Variants in ZFHX3 observed in about 807,000 individuals in gnomAD.
ZFHX3 encodes zinc finger homeobox 3.
ZFHX3 carries 42 observed loss-of-function variants against 279.1 expected under a neutral mutation model. That is an observed-to-expected ratio of 0.15 (90% CI 0.12 to 0.19). The LOEUF is 0.19. ZFHX3 is among the 10% of genes least tolerant of loss of function. ZFHX3 has a pLI of 1.00. For missense variants in ZFHX3, 4,981 were observed against 4,754.0 expected, an observed-to-expected ratio of 1.05 and a Z score of -1.40; for synonymous variants, 2,293 against 1,957.8, an observed-to-expected ratio of 1.17 and a Z score of -4.52.
intron 1 of ZFHX3, among the ~76,000 whole-genome samples, chr16:73,883,396 T>C: frequency 9.4e-6 from 1 of 106,272 alleles, no homozygotes; most frequent in East Asian, 2.1e-4. Context: ...ATAAGCCATA[T>C]ATATGTGTGT....
chr16:73,691,361 A>G (rs1049476260), intron 1 of ZFHX3, among the ~76,000 whole-genome samples: 4 of 152,208 alleles, frequency 2.6e-5, no homozygotes, highest in Non-Finnish European at 5.9e-5. Context: ...CTATCAAAAT[A>G]TTGACTGAAG....
intron 5 of ZFHX3, among the ~76,000 whole-genome samples, chr16:73,163,705 G>A (rs554473346): frequency 6.6e-6 from 1 of 152,108 alleles, no homozygotes; most frequent in Admixed American, 6.6e-5. Flanking sequence ...TATGTGAGGG[G>A]GTAGCTTTTT....
chr16:73,248,639 G>C (rs1482863009), intron 5 of ZFHX3, among the ~76,000 whole-genome samples: 1 of 136,412 alleles, frequency 7.3e-6, no homozygotes, highest in Non-Finnish European at 1.6e-5. Context: ...TGTATGTGGA[G>C]AATGTATGTG....
intron 2 of ZFHX3, among the ~76,000 whole-genome samples, chr16:73,547,017 G>A (rs1471673255): frequency 2.0e-5 from 3 of 151,866 alleles, no homozygotes; most frequent in East Asian, 1.9e-4. Flanking sequence ...CATATCCAAC[G>A]TTGCAAAAGC....
intron 2 of ZFHX3, among the ~76,000 whole-genome samples, chr16:73,502,291 C>T (rs576000434): frequency 1.3e-5 from 2 of 152,276 alleles, no homozygotes; most frequent in African/African-American, 2.4e-5. Flanking sequence ...AGATTGAGGA[C>T]CATGGAAACT....
chr16:72,838,220 TA>T (rs1409758304), intron 4 of ZFHX3, among the ~76,000 whole-genome samples: 1 of 152,256 alleles, frequency 6.6e-6, no homozygotes, highest in Admixed American at 6.5e-5. Flanking sequence ...TGGGTATTAT[TA>T]AAAATGACTA....
At chr16:73,763,753 AT>A (rs1188954907) in intron 1 of ZFHX3, among the ~76,000 whole-genome samples, 1 of 152,140 alleles carries the variant, frequency 6.6e-6, no homozygotes, top group East Asian at 1.9e-4. Context: ...ATCAAAAGAG[AT>A]TATCATAGGT....
intron 1 of ZFHX3, among the ~76,000 whole-genome samples, chr16:72,963,900 T>A (rs1198148005): frequency 3.3e-5 from 5 of 152,170 alleles, no homozygotes; most frequent in Admixed American, 1.3e-4. Flanking sequence ...AGCACAGGGT[T>A]AATTAGGCAG....
intron 1 of ZFHX3, among the ~76,000 whole-genome samples, chr16:72,989,929 G>C (rs1963011763): frequency 6.6e-6 from 1 of 152,194 alleles, no homozygotes; most frequent in South Asian, 2.1e-4. Flanking sequence ...CAGGCCTGGG[G>C]CTCCTCTGGC....
At chr16:73,785,436 G>T (rs1228762876) in intron 1 of ZFHX3, among the ~76,000 whole-genome samples, 9 of 151,802 alleles carry the variant, frequency 5.9e-5, no homozygotes, top group Admixed American at 5.9e-4. Context: ...GAGATATCTA[G>T]AGCTCTAGTC....
chr16:73,180,073 T>A (rs191684836), intron 5 of ZFHX3, among the ~76,000 whole-genome samples: 12 of 152,276 alleles, frequency 7.9e-5, no homozygotes, highest in Middle Eastern at 6.8e-3. Context: ...AATTACAGAC[T>A]CCTACGGGAA....
intron 1 of ZFHX3, among the ~76,000 whole-genome samples, chr16:73,723,529 C>T (rs933749034): frequency 1.3e-5 from 2 of 151,926 alleles, no homozygotes. Context: ...ATGGCACAGG[C>T]AGGAGGATCC....
At chr16:73,655,098 T>A (rs1399484065) in intron 2 of ZFHX3, among the ~76,000 whole-genome samples, 3 of 152,126 alleles carry the variant, frequency 2.0e-5, no homozygotes, top group Admixed American at 6.5e-5. Context: ...TGACCTCAAG[T>A]GATCTGCCCG....
intron 4 of ZFHX3, among the ~76,000 whole-genome samples, chr16:73,262,002 C>T (rs576789260): frequency 1.3e-5 from 2 of 152,242 alleles, no homozygotes; most frequent in African/African-American, 4.8e-5. Context: ...CTTAACTTCT[C>T]CATCTGTAAT....
intron 1 of ZFHX3, among the ~76,000 whole-genome samples, chr16:73,743,253 T>C (rs2142262069): frequency 6.6e-6 from 1 of 152,352 alleles, no homozygotes; most frequent in South Asian, 2.1e-4. Flanking sequence ...CCAGGCAATC[T>C]GCTTCACTCT....
intron 1 of ZFHX3, among the ~76,000 whole-genome samples, chr16:73,700,057 T>A (rs530426953): frequency 6.6e-6 from 1 of 152,208 alleles, no homozygotes; most frequent in African/African-American, 2.4e-5. Context: ...ACCCTCTCTC[T>A]ACAAAAAAGT....
At chr16:72,890,273 G>A (rs1464466595) in intron 3 of ZFHX3, among the ~76,000 whole-genome samples, 2 of 152,198 alleles carry the variant, frequency 1.3e-5, no homozygotes, top group East Asian at 3.9e-4. Context: ...TTTTATAAGG[G>A]GCTTTTCCCT....
At chr16:73,144,608 G>A (rs1966855882) in intron 5 of ZFHX3, among the ~76,000 whole-genome samples, 1 of 152,132 alleles carries the variant, frequency 6.6e-6, no homozygotes, top group Non-Finnish European at 1.5e-5. Flanking sequence ...GAGACGGGAA[G>A]GAACATTATA....
chr16:73,465,472 C>T (rs1056197441), intron 2 of ZFHX3, among the ~76,000 whole-genome samples: 3 of 152,150 alleles, frequency 2.0e-5, no homozygotes, highest in Non-Finnish European at 2.9e-5. Context: ...CCTCCTGGTG[C>T]CTCTGAGGTC....
Sources: gnomAD v4.1 joint callset for allele counts (sites outside exome capture counted in the v4.1 genomes callset) on GRCh38, gnomAD v4.1.1 for gene constraint, MANE v1.5 for transcripts, NCBI Gene and HGNC (gene_info 2026-07-23, HGNC 2026-07-21) for gene names.